The following DLGAP1 variants were observed in gnomAD, a reference collection of about 807,000 sequenced individuals.
DLGAP1 encodes the protein disks large-associated protein 1.
Under a neutral mutation model 90.8 loss-of-function variants are expected in DLGAP1, and 11 were observed. The observed-to-expected ratio is 0.12, with a 90% CI of 0.08 to 0.20. The LOEUF (loss-of-function observed/expected upper bound fraction) is 0.20, where lower values mean the gene tolerates loss of function less well. Ranked by LOEUF, DLGAP1 falls within the 10% of genes least tolerant of loss-of-function variation. The pLI is 1.00. For synonymous variants in DLGAP1, 558 were observed against 540.7 expected, an observed-to-expected ratio of 1.03 and a Z score of -0.44; for missense variants, 1,050 against 1,333.8, an observed-to-expected ratio of 0.79 and a Z score of 3.31.
rs191693799 is a variant in DLGAP1 at position 3,994,676 on chromosome 18, A to G, written c.-73+10440T>C. Among the ~76,000 whole-genome samples the G allele has an allele frequency of 7.9e-5, 12 of 152,340 alleles. No individual in the cohort carries two copies. The East Asian group carries it at 1.7e-3, about 22-fold the overall frequency. ...GTACAAAAGATCTGAAGAGATGACT[A>G]AACACTAACTAGGATTAGTTACATT... On this transcript the variant is annotated intron_variant, in intron 3 of 12. Coordinates refer to ENST00000315677, the MANE Select transcript of DLGAP1 (RefSeq NM_004746.4).
chr18:4,426,677 G>A (rs1399684295), intron 1 of DLGAP1, among the ~76,000 whole-genome samples: 1 of 152,124 alleles, frequency 6.6e-6, no homozygotes, highest in Non-Finnish European at 1.5e-5. Flanking sequence ...TATTCTAAGA[G>A]GTAAGTGAAA....
intron 1 of DLGAP1, among the ~76,000 whole-genome samples, chr18:4,356,451 G>GT (rs2081517951): frequency 6.6e-6 from 1 of 151,888 alleles, no homozygotes; most frequent in Non-Finnish European, 1.5e-5. Context: ...GCCCATCCCC[G>GT]TTTTTTCCTA....
intron 3 of DLGAP1, among the ~76,000 whole-genome samples, chr18:3,985,908 C>T (rs188955087): frequency 6.6e-6 from 1 of 152,254 alleles, no homozygotes; most frequent in African/African-American, 2.4e-5. Flanking sequence ...TGTGCAAATA[C>T]TTTTCTGGAA....
chr18:3,617,706 G>C lies in DLGAP1; in HGVS notation c.1592-35458C>G, dbSNP rs1353824212. Among the ~76,000 whole-genome samples the C allele has an allele frequency of 2.6e-5, 4 of 152,056 alleles. No homozygotes were observed. The East Asian group carries it at 7.8e-4, about 30-fold the overall frequency. On this transcript the variant is annotated intron_variant, in intron 7 of 12. Coordinates refer to ENST00000315677, the MANE Select transcript of DLGAP1 (RefSeq NM_004746.4). ...CCATGCATGGTTGCCACAAACCCTTGATTTGTGAAAAACACATCTGCAAGG... is the reference window on the plus strand; with the variant it reads ...CCATGCATGGTTGCCACAAACCCTTCATTTGTGAAAAACACATCTGCAAGG...
intron 1 of DLGAP1, among the ~76,000 whole-genome samples, chr18:4,306,704 G>C (rs2080273377): frequency 6.6e-6 from 1 of 152,164 alleles, no homozygotes; most frequent in Non-Finnish European, 1.5e-5. Context: ...TAGGGATTCA[G>C]TTAACTGACA....
At position 3,636,437 on chromosome 18, in the gene DLGAP1, G is replaced by A. The variant is rs774801772; in HGVS notation, c.1592-54189C>T. On this transcript the variant is annotated intron_variant, in intron 7 of 12. Coordinates refer to ENST00000315677, the MANE Select transcript of DLGAP1 (RefSeq NM_004746.4). The stretch of plus-strand genomic sequence containing the variant: ...TTTTTGTTGGTTTGTTTTTTGAGAC[G>A]GAGTCTCGCTATCTTCTAGGCTGGA... Among the ~76,000 whole-genome samples, 25 of 151,502 alleles carry A rather than the reference G, an allele frequency of 1.7e-4. 1 individual carries two copies. Among genetic ancestry groups the A allele is most frequent in the East Asian group, 6.0e-4 (3 of 5,012 alleles).
intron 5 of DLGAP1, among the ~76,000 whole-genome samples, chr18:3,797,801 T>C (rs187505463): frequency 5.4e-4 from 83 of 152,294 alleles, no homozygotes; most frequent in South Asian, 1.9e-3. Flanking sequence ...CCCAGTGATA[T>C]GGTTTTGCTG....
chr18:3,827,264 T>C (rs185595483), intron 4 of DLGAP1, among the ~76,000 whole-genome samples: 69 of 152,088 alleles, frequency 4.5e-4, no homozygotes, highest in African/African-American at 1.6e-3. Context: ...AAGAGAGAAA[T>C]GGTCCAAGAG....
intron 9 of DLGAP1, among the ~76,000 whole-genome samples, chr18:3,559,102 C>T (rs142316949): frequency 2.4e-4 from 37 of 152,242 alleles, no homozygotes; most frequent in African/African-American, 7.2e-4. Flanking sequence ...TCCTAGAAAA[C>T]GTAGCATTCC....
intron 1 of DLGAP1, among the ~76,000 whole-genome samples, chr18:4,191,950 A>C (rs184927170): frequency 4.5e-4 from 68 of 152,300 alleles, no homozygotes; most frequent in Middle Eastern, 3.4e-3. Context: ...TATGCCCAAT[A>C]ATTATTTCTT....
At chr18:3,828,852 T>C (rs1294772307) in intron 4 of DLGAP1, among the ~76,000 whole-genome samples, 2 of 152,126 alleles carry the variant, frequency 1.3e-5, no homozygotes, top group African/African-American at 4.8e-5. Flanking sequence ...GTACTAACAA[T>C]GTCTTAGAAT....
intron 7 of DLGAP1, chr18:3,655,791 C>A (rs770642743): frequency 1.1e-5 from 4 of 356,282 alleles, no homozygotes; most frequent in African/African-American, 2.1e-5. Flanking sequence ...TCAAATAAGG[C>A]CACAGAAGAG....
chr18:4,356,804 T>C (rs1183069064), intron 1 of DLGAP1, among the ~76,000 whole-genome samples: 1 of 152,188 alleles, frequency 6.6e-6, no homozygotes, highest in Non-Finnish European at 1.5e-5. Context: ...TTTTGTTGTT[T>C]GTTACTTTTC....
chr18:3,729,446 G>A lies in DLGAP1; in HGVS notation c.1351-71C>T, dbSNP rs929302639. 1.4e-5 allele frequency: 21 copies of A among 1,547,412 alleles called. No homozygotes were observed. The African/African-American group carries it at 2.6e-4, about 19-fold the overall frequency. ...AGGATCAACCTCTCCAAGCATCTGC[G>A]AACTTCAATCCCCAGAAGAAAAAGC... On this transcript the variant is annotated intron_variant, in intron 6 of 12. Transcript: ENST00000315677. The surrounding 1 kb of genome is among the most constrained non-coding windows in gnomAD (Gnocchi z 6.2).
At chr18:4,182,427 C>T (rs2144669532) in intron 1 of DLGAP1, among the ~76,000 whole-genome samples, 1 of 152,268 alleles carries the variant, frequency 6.6e-6, no homozygotes, top group African/African-American at 2.4e-5. Flanking sequence ...TGCAAACCAG[C>T]CTTTCTCTGC....
intron 7 of DLGAP1, among the ~76,000 whole-genome samples, chr18:3,601,025 TATAG>T (rs1427795202): frequency 2.8e-5 from 4 of 142,558 alleles, no homozygotes; most frequent in African/African-American, 1.0e-4. Context: ...TATATAGATA[TATAG>T]ATATAGAGAT....
intron 1 of DLGAP1, among the ~76,000 whole-genome samples, chr18:4,164,145 A>T (rs1454956591): frequency 6.6e-6 from 1 of 152,200 alleles, no homozygotes; most frequent in African/African-American, 2.4e-5. Context: ...CCTGCACGCT[A>T]AACATAACAG....
intron 7 of DLGAP1, among the ~76,000 whole-genome samples, chr18:3,692,080 A>C (rs984350637): frequency 6.6e-6 from 1 of 152,316 alleles, no homozygotes; most frequent in Non-Finnish European, 1.5e-5. Flanking sequence ...CATCTTAATC[A>C]AGAAAGAGCT....
At chr18:4,044,732 C>A (rs1054177672) in intron 2 of DLGAP1, among the ~76,000 whole-genome samples, 21 of 152,202 alleles carry the variant, frequency 1.4e-4, no homozygotes, top group Admixed American at 3.3e-4. Context: ...CAGAGCAAGA[C>A]TCCCTCACCA....
Sources: allele counts gnomAD v4.1 joint callset (sites outside exome capture counted in the v4.1 genomes callset), GRCh38; gene constraint gnomAD v4.1.1; non-coding constraint Gnocchi (gnomAD v3.1); transcripts MANE v1.5; gene names NCBI Gene and HGNC (gene_info 2026-07-23, HGNC 2026-07-21).